Variants in RAB12 observed in about 807,000 individuals in gnomAD.
RAB12 encodes ras-related protein Rab-12.
RAB12 carries 11 observed loss-of-function variants against 28.4 expected under a neutral mutation model. The ratio of observed to expected loss-of-function variants is 0.39; its 90% CI spans 0.24 to 0.64. The LOEUF (loss-of-function observed/expected upper bound fraction) is 0.64, where lower values mean the gene tolerates loss of function less well. Ranked by LOEUF, RAB12 falls within the 30% of genes least tolerant of loss-of-function variation. The pLI is 0.50. For missense variants in RAB12, 276 were observed against 351.1 expected, an observed-to-expected ratio of 0.79 and a Z score of 1.71; for synonymous variants, 138 against 145.3, an observed-to-expected ratio of 0.95 and a Z score of 0.36.
intron 3 of RAB12, among the ~76,000 whole-genome samples, chr18:8,634,166 A>AGCTTTTTTTTTTTTTTTTT (rs2096017540): frequency 7.0e-6 from 1 of 142,062 alleles, no homozygotes; most frequent in African/African-American, 2.5e-5. Context: ...GTGGCCAGGC[A>AGCTTTTTTTTTTTTTTTTT]TGGTGACTCA....
intron 1 of RAB12, among the ~76,000 whole-genome samples, chr18:8,620,003 G>A (rs534639366): frequency 2.1e-4 from 32 of 152,112 alleles, no homozygotes; most frequent in Non-Finnish European, 3.8e-4. Context: ...TGACAGTGGT[G>A]TGCTTCTGTA....
In RAB12 at chr18:8,638,186, G is replaced by A. The variant is rs1376227899; in HGVS notation, c.947G>A (p.Ser316Asn). The change falls in exon 6 of 6, where the codon AGT (serine) becomes AAT (asparagine). Residue 316 changes from serine (S) to asparagine (N), a missense_variant. By Grantham distance (46) the Ser-to-Asn change is conservative (BLOSUM62 1). This residue lies in a region of RAB12 where 127 missense variants were observed against 161.4 expected (regional missense o/e 0.79). Coordinates refer to ENST00000649141, the MANE Select transcript of RAB12 (RefSeq NM_001025300.3). The part of the protein sequence containing the change: ...LDILRNELSN[S>N]ILSLQPEPEI... ...ATTTTAAGGAATGAGTTGTCCAATAGTATCCTGTCGTTACAACCAGAGCCT... is the reference window on the plus strand; with the variant it reads ...ATTTTAAGGAATGAGTTGTCCAATAATATCCTGTCGTTACAACCAGAGCCT... 1 of 1,613,752 alleles carries A rather than the reference G, an allele frequency of 6.2e-7. No homozygotes were observed.
chr18:8,610,289 G>T (rs1044200725), intron 1 of RAB12, among the ~76,000 whole-genome samples: 1 of 152,224 alleles, frequency 6.6e-6, no homozygotes, highest in Non-Finnish European at 1.5e-5. Flanking sequence ...AGCGCAGGCA[G>T]GCAGGGGAGT....
At chr18:8,636,533 T>G (rs1199159069) in intron 5 of RAB12, among the ~76,000 whole-genome samples, 176 bp downstream of exon 5, 1 of 152,238 alleles carries the variant, frequency 6.6e-6, no homozygotes, top group Non-Finnish European at 1.5e-5. Context: ...TGTAGCCGTT[T>G]CCCACCCAGG....
chr18:8,619,061 A>G (rs2096008319), intron 1 of RAB12, among the ~76,000 whole-genome samples: 1 of 152,250 alleles, frequency 6.6e-6, no homozygotes, highest in South Asian at 2.1e-4. Context: ...TTGGAAGAAC[A>G]GCCACTATAT....
At chr18:8,628,614 G>C (rs544051851) in intron 2 of RAB12, among the ~76,000 whole-genome samples, 219 of 152,262 alleles carry the variant, frequency 1.4e-3, no homozygotes, top group African/African-American at 5.2e-3. Context: ...GATTGCCTCA[G>C]GTTTTGAATT....
chr18:8,634,530 A>G (rs192885360), intron 3 of RAB12, among the ~76,000 whole-genome samples: 9 of 152,212 alleles, frequency 5.9e-5, no homozygotes, highest in Admixed American at 5.9e-4. Context: ...AATAGGATGA[A>G]TACAAAACCA....
chr18:8,614,663 C>T (rs2096005781), intron 1 of RAB12, among the ~76,000 whole-genome samples: 2 of 152,134 alleles, frequency 1.3e-5, no homozygotes, highest in South Asian at 4.1e-4. Context: ...CTGCTCACTG[C>T]AAACCTCCGC....
At chr18:8,615,025 C>G (rs1375620145) in intron 1 of RAB12, among the ~76,000 whole-genome samples, 1 of 152,224 alleles carries the variant, frequency 6.6e-6, no homozygotes, top group Non-Finnish European at 1.5e-5. Context: ...TGCTCTCTGC[C>G]TGACTCCCCT....
At chr18:8,610,067 C>A (rs1217840506) in intron 1 of RAB12, 114 bp downstream of exon 1, 5 of 754,062 alleles carry the variant, frequency 6.6e-6, no homozygotes, top group South Asian at 1.6e-5. Context: ...ATGGGCCTCT[C>A]GGTGAAACTA....
chr18:8,623,194 A>G (rs1351065227), intron 1 of RAB12, among the ~76,000 whole-genome samples: 1 of 152,242 alleles, frequency 6.6e-6, no homozygotes, highest in African/African-American at 2.4e-5. Context: ...TGATTGGGGA[A>G]GTGATAAGTG....
At chr18:8,617,679 A>G (rs1267462649) in intron 1 of RAB12, among the ~76,000 whole-genome samples, 3 of 152,196 alleles carry the variant, frequency 2.0e-5, no homozygotes, top group Middle Eastern at 3.4e-3. Context: ...AGCCTTAAAT[A>G]TATGTTCTTA....
At chr18:8,628,231 A>G (rs2096013948) in intron 2 of RAB12, among the ~76,000 whole-genome samples, 1 of 152,218 alleles carries the variant, frequency 6.6e-6, no homozygotes, top group South Asian at 2.1e-4. Context: ...ATTTTCTGAA[A>G]AGGAGAGATT....
chr18:8,634,548 T>A (rs1320932098), intron 3 of RAB12, among the ~76,000 whole-genome samples: 1 of 152,154 alleles, frequency 6.6e-6, no homozygotes, highest in Non-Finnish European at 1.5e-5. Context: ...CCAAAAGAAA[T>A]GGCCTAAATC....
intron 1 of RAB12, among the ~76,000 whole-genome samples, chr18:8,620,165 C>CAAAA (rs10680284): frequency 1.3e-5 from 1 of 75,432 alleles, no homozygotes; most frequent in Non-Finnish European, 2.3e-5. Flanking sequence ...TTTTTTGCTT[C>CAAAA]AAAAAAAAAA....
chr18:8,625,108 C>T (rs1278623882), intron 2 of RAB12, 110 bp downstream of exon 2: 2 of 660,852 alleles, frequency 3.0e-6, no homozygotes, highest in Non-Finnish European at 5.2e-6. Context: ...ACTTTCTCCT[C>T]TTTTGCTCAT....
chr18:8,634,709 C>T (rs1037608048), intron 3 of RAB12, among the ~76,000 whole-genome samples: 24 of 152,184 alleles, frequency 1.6e-4, no homozygotes, highest in African/African-American at 5.5e-4. Context: ...CCCAGCCCTG[C>T]GGTGGGTGCT....
rs1268355957 is a variant in RAB12 at position 8,636,034 on chromosome 18, G to C, written c.805-219G>C. Among the ~76,000 whole-genome samples the C allele has an allele frequency of 3.9e-5, 6 of 152,314 alleles. No individual in the cohort carries two copies. In the South Asian group the frequency reaches 6.2e-4, roughly 16 times the overall value. Reference sequence around the variant, plus strand: ...ACTTAGGCAACTGATTTGACTGGAAGGTCCCGGCATCACCTTCAGGATTTT... The same window carrying C: ...ACTTAGGCAACTGATTTGACTGGAACGTCCCGGCATCACCTTCAGGATTTT... On this transcript the variant is annotated intron_variant, in intron 4 of 5. Coordinates refer to ENST00000649141, the MANE Select transcript of RAB12 (RefSeq NM_001025300.3).
chr18:8,610,522 C>T (rs1035539974), intron 1 of RAB12, among the ~76,000 whole-genome samples: 4 of 152,264 alleles, frequency 2.6e-5, no homozygotes, highest in African/African-American at 7.2e-5. Flanking sequence ...TTATCCATGA[C>T]CTCAAACAAC....
Sources: gnomAD v4.1 joint callset for allele counts (sites outside exome capture counted in the v4.1 genomes callset) on GRCh38, gnomAD v4.1.1 for gene constraint, gnomAD v4.1.1 regional missense constraint, MANE v1.5 for transcripts, NCBI Gene and HGNC (gene_info 2026-07-23, HGNC 2026-07-21) for gene names.